ADCY2: variants seen among roughly 807,000 people sequenced by gnomAD.
ADCY2 encodes adenylate cyclase 2, also known as adenylate cyclase type 2.
ADCY2 carries 31 observed loss-of-function variants against 125.2 expected under a neutral mutation model. The observed-to-expected ratio is 0.25, with a 90% CI of 0.19 to 0.33. The LOEUF (loss-of-function observed/expected upper bound fraction) is 0.33. ADCY2 is among the 10% of genes least tolerant of loss of function. The pLI, the probability that ADCY2 is intolerant of heterozygous loss-of-function variation, is 1.00. For synonymous variants in ADCY2, 512 were observed against 548.4 expected, an observed-to-expected ratio of 0.93 and a Z score of 0.93; for missense variants, 904 against 1,418.2, an observed-to-expected ratio of 0.64 and a Z score of 5.82.
At chr5:7,528,713 C>T (rs1164782518) in intron 3 of ADCY2, among the ~76,000 whole-genome samples, 1 of 152,170 alleles carries the variant, frequency 6.6e-6, no homozygotes, top group African/African-American at 2.4e-5. Flanking sequence ...CTAGAGGCAC[C>T]ACTCACTAAT....
rs138503341 is a variant in ADCY2 at position 7,757,584 on chromosome 5, A to G, written c.2092A>G (p.Met698Val). 1.3e-6 allele frequency: 2 copies of G among 1,565,126 alleles called. No homozygotes were observed. Among genetic ancestry groups the G allele is most frequent in the South Asian group, 1.1e-5 (1 of 87,616 alleles). The change falls in exon 16 of 25, where the codon ATG becomes GTG. Residue 698 changes from methionine to valine, a missense_variant and splice_region_variant. Physicochemically the swap from Met to Val is conservative, Grantham distance 21. Transcript: ENST00000338316. ...AIILMMAVFN[M>V]FFLSDSEETI... ...CATATTAATGATGGCCGTGTTCAAC[A>G]TGGTAAGTCCCAGAGCACGGCCGTG...
rs139497347 is a variant in ADCY2 at position 7,502,149 on chromosome 5, G to C, written c.409-18589G>C. Among the ~76,000 whole-genome samples the C allele has an allele frequency of 2.7e-3, 412 of 152,260 alleles. 1 individual carries two copies. The highest frequency in any genetic ancestry group is 5.1e-3 in the Non-Finnish European group (346 of 68,018). Reference sequence around the variant, plus strand: ...TTACAACCACACTTCTTCAAAGACAGCAACAATGGTGAGAAAAAAGGATGT... The same window carrying C: ...TTACAACCACACTTCTTCAAAGACACCAACAATGGTGAGAAAAAAGGATGT... On this transcript the variant is annotated intron_variant, in intron 2 of 24. Coordinates refer to ENST00000338316, the MANE Select transcript of ADCY2 (RefSeq NM_020546.3).
chr5:7,742,909 G>A (rs771237245), intron 14 of ADCY2, among the ~76,000 whole-genome samples: 1 of 152,118 alleles, frequency 6.6e-6, no homozygotes, highest in South Asian at 2.1e-4. Flanking sequence ...TTTCATCTTT[G>A]ATGATTCACT....
At chr5:7,483,981 A>C (rs981827664) in intron 2 of ADCY2, among the ~76,000 whole-genome samples, 1 of 152,208 alleles carries the variant, frequency 6.6e-6, no homozygotes. Context: ...GATTGATACT[A>C]TCTCATCATC....
intron 3 of ADCY2, among the ~76,000 whole-genome samples, chr5:7,606,534 A>T (rs1737380985): frequency 6.6e-6 from 1 of 152,224 alleles, no homozygotes; most frequent in Non-Finnish European, 1.5e-5. Flanking sequence ...TTGGTCCATG[A>T]TCATTTAAAT....
intron 24 of ADCY2, 93 bp from the exon 25 acceptor site, chr5:7,826,626 C>G (rs1745487579): frequency 6.5e-7 from 1 of 1,531,458 alleles, no homozygotes; most frequent in Admixed American, 1.7e-5. Flanking sequence ...GGTCAAAGAG[C>G]ATGGTGCTTT....
chr5:7,557,198 T>TAGATATATATATATATATATATATATAG (rs1430642315), intron 3 of ADCY2, among the ~76,000 whole-genome samples: 1 of 147,466 alleles, frequency 6.8e-6, no homozygotes, highest in Admixed American at 6.8e-5. Context: ...ATGTGATATA[T>TAGATATATATATATATATATATATATAG]ATAACTCAAG....
intron 16 of ADCY2, among the ~76,000 whole-genome samples, chr5:7,764,428 AG>A (rs1425217141): frequency 1.3e-5 from 2 of 152,228 alleles, no homozygotes; most frequent in African/African-American, 4.8e-5. Flanking sequence ...CACCCAGACA[AG>A]GAGTTAGCCA....
intron 2 of ADCY2, among the ~76,000 whole-genome samples, chr5:7,420,882 A>G (rs1740177075): frequency 6.6e-6 from 1 of 151,846 alleles, no homozygotes; most frequent in East Asian, 1.9e-4. Context: ...ATTGTGTTTC[A>G]TTTTTCTGAA....
At chr5:7,674,971 T>A (rs191434380) in intron 4 of ADCY2, among the ~76,000 whole-genome samples, 4 of 152,104 alleles carry the variant, frequency 2.6e-5, no homozygotes, top group Non-Finnish European at 5.9e-5. Context: ...CTGGCTAACA[T>A]GGTGAAACTC....
At chr5:7,531,629 A>G (rs769484164) in intron 3 of ADCY2, among the ~76,000 whole-genome samples, 34 of 152,276 alleles carry the variant, frequency 2.2e-4, no homozygotes, top group Admixed American at 3.9e-4. Flanking sequence ...AGTCCTCGGC[A>G]TGCCTTTGCC....
chr5:7,662,557 A>G (rs1739569695), intron 4 of ADCY2, among the ~76,000 whole-genome samples: 1 of 152,186 alleles, frequency 6.6e-6, no homozygotes, highest in African/African-American at 2.4e-5. Context: ...CTTCAGTTCT[A>G]TTTTTAATTT....
At chr5:7,601,141 C>T (rs1161743699) in intron 3 of ADCY2, among the ~76,000 whole-genome samples, 2 of 152,142 alleles carry the variant, frequency 1.3e-5, no homozygotes, top group Non-Finnish European at 2.9e-5. Flanking sequence ...TCCCGTCTTT[C>T]CCAGGGTGAA....
chr5:7,784,740 A>G (rs1744032005), intron 19 of ADCY2, among the ~76,000 whole-genome samples: 1 of 151,976 alleles, frequency 6.6e-6, no homozygotes, highest in Admixed American at 6.6e-5. Context: ...TTGTAAGCCT[A>G]CAAAAGTGTT....
intron 24 of ADCY2, among the ~76,000 whole-genome samples, chr5:7,825,890 C>T (rs1439216363): frequency 1.3e-5 from 2 of 152,254 alleles, no homozygotes; most frequent in African/African-American, 4.8e-5. Flanking sequence ...GAGGAGGAAG[C>T]TGTCAGAGCC....
At chr5:7,689,929 C>A (rs184685141) in intron 4 of ADCY2, among the ~76,000 whole-genome samples, 39 of 152,222 alleles carry the variant, frequency 2.6e-4, no homozygotes, top group African/African-American at 8.7e-4. Flanking sequence ...GACTTTTCCT[C>A]CAAAAACTAT....
intron 4 of ADCY2, among the ~76,000 whole-genome samples, chr5:7,673,745 CA>C (rs1202382948): frequency 1.3e-5 from 2 of 152,092 alleles, no homozygotes; most frequent in African/African-American, 4.8e-5. Context: ...AGGTGGGGGA[CA>C]GGGGAAGCTG....
At chr5:7,673,918 G>A (rs1407639535) in intron 4 of ADCY2, among the ~76,000 whole-genome samples, 3 of 152,112 alleles carry the variant, frequency 2.0e-5, no homozygotes, top group Admixed American at 1.3e-4. Context: ...CCTACCCCCC[G>A]ATAAACTTAC....
At chr5:7,497,553 G>T (rs971803212) in intron 2 of ADCY2, among the ~76,000 whole-genome samples, 1 of 152,054 alleles carries the variant, frequency 6.6e-6, no homozygotes, top group African/African-American at 2.4e-5. Flanking sequence ...CAAAAAAATT[G>T]CATCAATAAG....
Sources: gnomAD v4.1 joint callset for allele counts (sites outside exome capture counted in the v4.1 genomes callset) on GRCh38, gnomAD v4.1.1 for gene constraint, MANE v1.5 for transcripts, NCBI Gene and HGNC (gene_info 2026-07-23, HGNC 2026-07-21) for gene names.